The following KDM5A variants were observed in gnomAD, a reference collection of about 807,000 sequenced individuals.
KDM5A encodes lysine-specific demethylase 5A.
KDM5A carries 42 observed loss-of-function variants against 193.5 expected under a neutral mutation model. The observed-to-expected ratio is 0.22, with a 90% confidence interval of 0.17 to 0.28. The LOEUF (loss-of-function observed/expected upper bound fraction) is 0.28. Among genes scored for constraint, KDM5A ranks in the 10% least tolerant of loss-of-function variants. The pLI is 1.00. For missense variants in KDM5A, 1,692 were observed against 2,055.1 expected (o/e 0.82, Z 3.42); for synonymous variants, 796 against 718.1 (o/e 1.11, Z -1.73).
Position 388,913 on chromosome 12 carries a change from AC to A in KDM5A, c.165+13del, listed in dbSNP as rs746893240. On this transcript the variant is annotated intron_variant, in intron 1 of 27. Coordinates refer to ENST00000399788, the MANE Select transcript of KDM5A (RefSeq NM_001042603.3). Reference sequence around the variant, plus strand: ...TTCTTCCTTCTCCCCCTCTCTCTTCACAGACTGAGGTACCTTGGGCGGCCGA... The same window carrying A: ...TTCTTCCTTCTCCCCCTCTCTCTTCAAGACTGAGGTACCTTGGGCGGCCGA... 2 of 1,613,854 alleles carry A rather than the reference AC, an allele frequency of 1.2e-6. No individual in the cohort carries two copies. The highest frequency in any genetic ancestry group is 8.5e-7 in the Non-Finnish European group (1 of 1,179,750).
intron 18 of KDM5A, among the ~76,000 whole-genome samples, chr12:320,686 T>C (rs1443133697): frequency 1.3e-5 from 2 of 152,178 alleles, no homozygotes; most frequent in Admixed American, 6.5e-5. Context: ...TTAACACTGA[T>C]ACATGCAGAT....
At chr12:324,420 A>G (rs1023106682) in intron 14 of KDM5A, among the ~76,000 whole-genome samples, 1 of 152,258 alleles carries the variant, frequency 6.6e-6, no homozygotes, top group African/African-American at 2.4e-5. Flanking sequence ...TCCCAATTAC[A>G]TCCTTGAGCA....
chr12:351,845 T>A (rs985518050), intron 9 of KDM5A, among the ~76,000 whole-genome samples: 1 of 151,976 alleles, frequency 6.6e-6, no homozygotes, highest in African/African-American at 2.4e-5. Context: ...GGTTCATGGC[T>A]ATAATCCCAG....
intron 27 of KDM5A, among the ~76,000 whole-genome samples, chr12:292,095 G>C (rs948069936): frequency 4.6e-5 from 7 of 151,924 alleles, no homozygotes; most frequent in Non-Finnish European, 1.0e-4. Context: ...GTAGAGATGG[G>C]GTTTTACCAT....
At chr12:342,714 G>A (rs534015933) in intron 10 of KDM5A, among the ~76,000 whole-genome samples, 116 of 151,240 alleles carry the variant, frequency 7.7e-4, no homozygotes, top group South Asian at 4.0e-3. Context: ...CACCTGCCTC[G>A]GCCTCCCAAA....
In KDM5A at chr12:318,383, G is replaced by A. The variant is rs767502506; in HGVS notation, c.2620C>T (p.Leu874Phe). The part of the protein sequence containing the change: ...MMDETPDSSK[L>F]QMLIDMGSSL... ...GAGCCCATATCTATCAACATCTGGA[G>A]TTTGGAAGAATCTGGGGTTTCATCC... Residue 874 changes from leucine to phenylalanine, a missense_variant, in exon 19 of 28, where the codon CTC (leucine) becomes TTC (phenylalanine). Coordinates refer to ENST00000399788, the MANE Select transcript of KDM5A (RefSeq NM_001042603.3). 1 of 1,614,142 alleles carries A rather than the reference G, an allele frequency of 6.2e-7. No individual in the cohort carries two copies. Among genetic ancestry groups the A allele is most frequent in the Non-Finnish European group, 8.5e-7 (1 of 1,180,000 alleles).
At chr12:293,666 C>A (rs1943330385) in intron 26 of KDM5A, among the ~76,000 whole-genome samples, 1 of 150,510 alleles carries the variant, frequency 6.6e-6, no homozygotes, top group African/African-American at 2.4e-5. Context: ...GTAGTCCCAG[C>A]TACTTGGGAG....
rs1307830652 is a variant in KDM5A at position 307,878 on chromosome 12, G to A, written c.3506C>T (p.Thr1169Ile). Residue 1169 changes from threonine to isoleucine, a missense_variant, in exon 23 of 28, where the codon ACA becomes ATA. This residue lies in a region of KDM5A where 965 missense variants were observed against 1,061.0 expected (regional missense o/e 0.91). Transcript: ENST00000399788. The surrounding 1 kb of genome is among the most constrained non-coding windows in gnomAD (Gnocchi z 4.3). ...EEVKFCICRK[T>I]ASGFMLQCEL... Reference sequence around the variant, plus strand: ...ACACTGTAGCATAAACCCACTGGCTGTCTTGCGGCAAATGCAAAATTTTAC... The same window carrying A: ...ACACTGTAGCATAAACCCACTGGCTATCTTGCGGCAAATGCAAAATTTTAC... The A allele has an allele frequency of 6.2e-7, 1 of 1,614,104 alleles. No individual in the cohort carries two copies. The highest frequency in any genetic ancestry group is 8.5e-7 in the Non-Finnish European group (1 of 1,180,000).
At position 356,457 on chromosome 12, in the gene KDM5A, C is replaced by T. The variant is rs748636918; in HGVS notation, c.753G>A (p.Leu251=). ...IFGAGPKVVG[L]AMGTKDKEDE... is the part of the protein sequence containing the mutation. ...CTTCTTTATCTTTTGTTCCCATTGC[C>T]AAGCCCACAACCTTGGGCCCAGCCC... Residue 251 remains leucine (L), a synonymous_variant, in exon 6 of 28, where the codon TTG becomes TTA. Transcript: ENST00000399788. The T allele has an allele frequency of 1.9e-6, 3 of 1,611,492 alleles. No individual in the cohort carries two copies. Among genetic ancestry groups the T allele is most frequent in the African/African-American group, 2.7e-5 (2 of 74,834 alleles).
chr12:371,700 T>C (rs1396132514), intron 3 of KDM5A, among the ~76,000 whole-genome samples: 2 of 152,236 alleles, frequency 1.3e-5, no homozygotes, highest in African/African-American at 4.8e-5. Flanking sequence ...TCCTGAATGG[T>C]ACTGCCTAGG....
At chr12:351,794 TC>T (rs1353652546) in intron 9 of KDM5A, among the ~76,000 whole-genome samples, 1 of 150,132 alleles carries the variant, frequency 6.7e-6, no homozygotes, top group Admixed American at 6.6e-5. Flanking sequence ...CAGAGTGAAA[TC>T]CCGTCTCTAT....
intron 5 of KDM5A, among the ~76,000 whole-genome samples, chr12:359,772 A>G (rs1008519835): frequency 1.7e-3 from 122 of 71,938 alleles, no homozygotes; most frequent in African/African-American, 2.3e-3. Flanking sequence ...GGGGAGTGGG[A>G]GGGAAGGAGG....
chr12:303,385 C>T (rs1056226683), intron 24 of KDM5A, among the ~76,000 whole-genome samples: 1 of 152,128 alleles, frequency 6.6e-6, no homozygotes, highest in Non-Finnish European at 1.5e-5. Context: ...AGCTGGAAAC[C>T]ATCATTCTCA....
intron 3 of KDM5A, among the ~76,000 whole-genome samples, chr12:380,753 G>C (rs191621601): frequency 5.9e-5 from 9 of 151,992 alleles, no homozygotes; most frequent in Admixed American, 3.9e-4. Context: ...CTTCATTAAA[G>C]AGTACTACAA....
intron 10 of KDM5A, among the ~76,000 whole-genome samples, chr12:339,171 C>G (rs1372166799): frequency 7.1e-6 from 1 of 140,128 alleles, no homozygotes; most frequent in Admixed American, 7.0e-5. Context: ...AGAGCGAAAC[C>G]CCATCTCAAA....
Position 358,993 on chromosome 12 carries a change from A to T in KDM5A, c.673-2456T>A, listed in dbSNP as rs560592873. Among the ~76,000 whole-genome samples the T allele has an allele frequency of 1.0e-3, 94 of 89,624 alleles. 2 individuals carry two copies. In the South Asian group the frequency reaches 0.033, roughly 32 times the overall value. 58.8% of individuals were successfully genotyped at this position (89,624 alleles called of 152,430 possible). On this transcript the variant is annotated intron_variant, in intron 5 of 27. Transcript: ENST00000399788. ...CTCAAAAAAATAAATAAATAATAAA[A>T]AATAAAAAAAAACAATAAAAAGACT...
chr12:318,436 A>T lies in KDM5A; in HGVS notation c.2567T>A (p.Phe856Tyr). The change falls in exon 19 of 28, where the codon TTT becomes TAT. Residue 856 changes from phenylalanine (F) to tyrosine (Y), a missense_variant. Phe to Tyr is a conservative substitution (Grantham distance 22). Around this residue, in one of 11 missense-constraint regions of KDM5A, gnomAD observed 965 missense variants for 1,061.0 expected, o/e 0.91. Coordinates refer to ENST00000399788, the MANE Select transcript of KDM5A (RefSeq NM_001042603.3). ...CATGGCCTCCTGAGCACGTTCATGA[A>T]ACTCTTCCACATCATCTAGCAGATT... ...VKNLLDDVEEFHERAQEAMMD... is the reference protein window; with the variant it reads ...VKNLLDDVEEYHERAQEAMMD... The T allele has an allele frequency of 1.2e-6, 2 of 1,613,768 alleles. No individual in the cohort carries two copies. Among genetic ancestry groups the T allele is most frequent in the Non-Finnish European group, 1.7e-6 (2 of 1,179,640 alleles).
At chr12:300,769 T>TA (rs1402904215) in intron 24 of KDM5A, among the ~76,000 whole-genome samples, 2 of 151,788 alleles carry the variant, frequency 1.3e-5, no homozygotes, top group African/African-American at 2.4e-5. Flanking sequence ...ATCAACAAAA[T>TA]AGATAGACCG....
chr12:322,256 G>A (rs1943726450), intron 17 of KDM5A, 161 bp downstream of exon 17: 1 of 652,644 alleles, frequency 1.5e-6, no homozygotes, highest in African/African-American at 1.8e-5. Context: ...AGAAAGAAGG[G>A]AGAATAGTAG....
Sources: gnomAD v4.1 joint callset for allele counts (sites outside exome capture counted in the v4.1 genomes callset) on GRCh38, gnomAD v4.1.1 for gene constraint, gnomAD v4.1.1 regional missense constraint, Gnocchi (gnomAD v3.1) non-coding constraint, MANE v1.5 for transcripts, NCBI Gene and HGNC (gene_info 2026-07-23, HGNC 2026-07-21) for gene names.